IL12RB1: variants seen among roughly 807,000 people sequenced by gnomAD.
IL12RB1 encodes interleukin 12 receptor subunit beta 1.
Under a neutral mutation model 94.4 loss-of-function variants are expected in IL12RB1, and 64 were observed. The ratio of observed to expected loss-of-function variants is 0.68; its 90% CI spans 0.55 to 0.83. IL12RB1 has a LOEUF of 0.83. IL12RB1 is among the 40% of genes least tolerant of loss of function. The pLI, the probability that IL12RB1 is intolerant of heterozygous loss-of-function variation, is 0.00. For missense variants in IL12RB1, 814 were observed against 855.6 expected (o/e 0.95, Z 0.61); for synonymous variants, 362 against 355.5 (o/e 1.02, Z -0.21).
Position 18,059,965 on chromosome 19 carries a change from G to C in IL12RB1, c.1912C>G (p.Pro638Ala). 1 of 1,599,702 alleles carries C rather than the reference G, an allele frequency of 6.3e-7. No individual in the cohort carries two copies. Among genetic ancestry groups the C allele is most frequent in the African/African-American group, 1.3e-5 (1 of 74,642 alleles). ...AGGGCCAGCTCAGGGGCACCCTCAG[G>C]TAGCTCTGTCTTCTCGAGAGGCTCA... ...RTEPLEKTEL[P>A]EGAPELALDT... The change falls in exon 16 of 17, where the codon CCT (proline) becomes GCT (alanine). Residue 638 changes from proline (P) to alanine (A), a missense_variant. By Grantham distance (27) the Pro-to-Ala change is conservative (BLOSUM62 -1). Transcript: ENST00000593993.
chr19:18,080,788 C>A, intron 4 of IL12RB1, 44 bp downstream of exon 4: 2 of 1,339,786 alleles, frequency 1.5e-6, no homozygotes, highest in Non-Finnish European at 2.2e-6. Flanking sequence ...AGCCTGATGG[C>A]CTCTCTGGGT....
At chr19:18,064,088 G>A (rs1229236553) in intron 12 of IL12RB1, 78 bp from the exon 13 acceptor site, 5 of 942,228 alleles carry the variant, frequency 5.3e-6, no homozygotes, top group African/African-American at 1.6e-5. Flanking sequence ...ACAGCCTGTG[G>A]GTGGGGTGGG....
At chr19:18,091,069 G>T (rs1013585963), upstream of IL12RB1, among the ~76,000 whole-genome samples, 1 of 152,116 alleles carries the variant, frequency 6.6e-6, no homozygotes, top group Non-Finnish European at 1.5e-5. Context: ...AGGCTAAAGG[G>T]CCTGGCTTTC....
upstream of IL12RB1, among the ~76,000 whole-genome samples, chr19:18,088,292 A>G (rs945244874): frequency 2.6e-5 from 4 of 151,734 alleles, no homozygotes; most frequent in Non-Finnish European, 4.4e-5. Flanking sequence ...AGGCTGAGGC[A>G]GGAGAATCGC....
In IL12RB1 at chr19:18,069,532, T is replaced by C; in HGVS notation, c.1189+14A>G. Reference sequence around the variant, plus strand: ...ACAGAGGAGGGGTAGGCGCAGGCCATTCCAGGCCATTACCCATTCCAGCCG... The same window carrying C: ...ACAGAGGAGGGGTAGGCGCAGGCCACTCCAGGCCATTACCCATTCCAGCCG... On this transcript the variant is annotated intron_variant, in intron 10 of 16. Coordinates refer to ENST00000593993, the MANE Select transcript of IL12RB1 (RefSeq NM_005535.3). The C allele has an allele frequency of 1.2e-6, 2 of 1,600,118 alleles. No individual in the cohort carries two copies. Among genetic ancestry groups the C allele is most frequent in the African/African-American group, 1.3e-5 (1 of 74,958 alleles).
intron 11 of IL12RB1, 60 bp downstream of exon 11, chr19:18,068,329 A>G: frequency 7.2e-7 from 1 of 1,397,656 alleles, no homozygotes; most frequent in Non-Finnish European, 9.7e-7. Flanking sequence ...CCCAGCCTCT[A>G]TTTTTTTAAA....
At chr19:18,061,896 A>G (rs898895051) in intron 14 of IL12RB1, among the ~76,000 whole-genome samples, 15 of 146,328 alleles carry the variant, frequency 1.0e-4, no homozygotes, top group Admixed American at 7.4e-4. Context: ...AATTTTGCAT[A>G]AACTGCCCCC....
intron 10 of IL12RB1, 106 bp from the exon 11 acceptor site, chr19:18,068,632 C>T: frequency 1.1e-6 from 1 of 911,544 alleles, no homozygotes; most frequent in Non-Finnish European, 1.8e-6. Flanking sequence ...AACTCCTACT[C>T]ATGTTTCAAA....
chr19:18,078,812 G>C (rs17885062), intron 4 of IL12RB1, among the ~76,000 whole-genome samples: 3,065 of 152,068 alleles, frequency 0.02, 106 homozygotes, highest in African/African-American at 0.071. Context: ...GGTCATACCC[G>C]GCCTGATTCT....
rs1379392256 is a variant in IL12RB1 at position 18,071,408 on chromosome 19, T to C, written c.1021+704A>G. 3 of 804,150 alleles carry C rather than the reference T, an allele frequency of 3.7e-6. No homozygotes were observed. The East Asian group carries it at 1.9e-4, about 51-fold the overall frequency. The allele number at this position is 804,150 out of a possible 1,614,324, so 49.8% of individuals were successfully genotyped here. ...CTCTAGCCTTTTTTCTTTCTTTCTCTCTTTTTTCTTTTTTGAAAAAGAGTG... is the reference window on the plus strand; with the variant it reads ...CTCTAGCCTTTTTTCTTTCTTTCTCCCTTTTTTCTTTTTTGAAAAAGAGTG... On this transcript the variant is annotated intron_variant, in intron 9 of 16. Coordinates refer to ENST00000593993, the MANE Select transcript of IL12RB1 (RefSeq NM_005535.3).
In IL12RB1 at chr19:18,059,303, G is replaced by T; in HGVS notation, c.*305C>A. 3.9e-6 allele frequency: 2 copies of T among 512,174 alleles called. No homozygotes were observed. The highest frequency in any genetic ancestry group is 3.6e-6 in the Non-Finnish European group (1 of 281,102). The allele number at this position is 512,174 out of a possible 1,614,324, so 31.7% of individuals were successfully genotyped here. On this transcript the variant is annotated 3_prime_UTR_variant, in exon 17 of 17. Coordinates refer to ENST00000593993, the MANE Select transcript of IL12RB1 (RefSeq NM_005535.3). ...CAGTGCTCCTGGGGGTGGATGCCCA[G>T]CCCAGGGTCCAGGGATCCATCTGAG...
chr19:18,093,766 T>A (rs1038422517), intron 1 of IL12RB1, among the ~76,000 whole-genome samples: 6 of 152,098 alleles, frequency 3.9e-5, no homozygotes, highest in African/African-American at 1.4e-4. Context: ...TCAGAACAAT[T>A]GGCCATTGCA....
At chr19:18,088,298 A>G (rs2036468724), upstream of IL12RB1, among the ~76,000 whole-genome samples, 1 of 151,736 alleles carries the variant, frequency 6.6e-6, no homozygotes, top group Admixed American at 6.6e-5. Flanking sequence ...AGGCAGGAGA[A>G]TCGCTTGAAC....
chr19:18,096,061 A>C (rs1200185080), intron 1 of IL12RB1, among the ~76,000 whole-genome samples: 2 of 151,500 alleles, frequency 1.3e-5, no homozygotes, highest in Non-Finnish European at 2.9e-5. Flanking sequence ...CCATCTCTAC[A>C]AAAAAAACCC....
chr19:18,071,850 AGACTG>A (rs2146250478), intron 9 of IL12RB1, among the ~76,000 whole-genome samples: 1 of 152,252 alleles, frequency 6.6e-6, no homozygotes, highest in East Asian at 1.9e-4. Context: ...TTTTTAGTAG[AGACTG>A]GGTTTCACCA....
At chr19:18,077,278 C>T (rs1354121480) in intron 5 of IL12RB1, among the ~76,000 whole-genome samples, 3 of 152,034 alleles carry the variant, frequency 2.0e-5, no homozygotes, top group Non-Finnish European at 4.4e-5. Context: ...AGGACAATCG[C>T]TTGAACCCGG....
At chr19:18,080,050 T>G (rs2035781234) in intron 4 of IL12RB1, among the ~76,000 whole-genome samples, 1 of 151,896 alleles carries the variant, frequency 6.6e-6, no homozygotes, top group Non-Finnish European at 1.5e-5. Flanking sequence ...TTTCTTTTCT[T>G]TTTTCTTTTT....
At chr19:18,061,233 GTT>G (rs67773732) in intron 14 of IL12RB1, 36 bp from the exon 15 acceptor site, 971 of 820,924 alleles carry the variant, frequency 1.2e-3, no homozygotes, top group South Asian at 1.8e-3. Context: ...AGGAGCTGAG[GTT>G]TTTTTTTTTT....
intron 1 of IL12RB1, among the ~76,000 whole-genome samples, chr19:18,085,201 G>A (rs761322732): frequency 5.9e-5 from 9 of 152,132 alleles, no homozygotes; most frequent in Non-Finnish European, 8.8e-5. Context: ...GAGCCCTGCA[G>A]GCAGATTGGA....
Sources: gnomAD v4.1 joint callset for allele counts (sites outside exome capture counted in the v4.1 genomes callset) on GRCh38, gnomAD v4.1.1 for gene constraint, MANE v1.5 for transcripts, NCBI Gene and HGNC (gene_info 2026-07-23, HGNC 2026-07-21) for gene names.